Variants in SLC24A1 observed in about 807,000 individuals in gnomAD.
SLC24A1 encodes the protein sodium/potassium/calcium exchanger 1.
SLC24A1 carries 52 observed loss-of-function variants against 88.1 expected under a neutral mutation model. The ratio of observed to expected loss-of-function variants is 0.59; its 90% CI spans 0.47 to 0.74. The LOEUF (loss-of-function observed/expected upper bound fraction) is 0.74, where lower values mean the gene tolerates loss of function less well. SLC24A1 is among the 30% of genes least tolerant of loss of function. SLC24A1 has a pLI of 0.00. For missense variants in SLC24A1, 1,173 were observed against 1,363.3 expected (o/e 0.86, Z 2.20); for synonymous variants, 455 against 498.0 (o/e 0.91, Z 1.15).
Position 65,654,747 on chromosome 15 carries a change from C to A in SLC24A1, c.*668C>A. On this transcript the variant is annotated 3_prime_UTR_variant, in exon 10 of 10. Transcript: ENST00000261892. ...TGAGACAGAGTTTGGCTCTTGTTGC[C>A]CAGGCTGGTGTGCAATGGCGTGATC... 1 of 1,221,090 alleles carries A rather than the reference C, an allele frequency of 8.2e-7. No homozygotes were observed. Among genetic ancestry groups the A allele is most frequent in the Non-Finnish European group, 1.1e-6 (1 of 934,190 alleles). The allele number at this position is 1,221,090 out of a possible 1,614,324, so 75.6% of individuals were successfully genotyped here.
intron 2 of SLC24A1, among the ~76,000 whole-genome samples, chr15:65,636,625 C>T (rs1024108695): frequency 1.3e-5 from 2 of 151,944 alleles, no homozygotes; most frequent in Admixed American, 6.6e-5. Flanking sequence ...CCTGTAATCC[C>T]AGCAGTTTGG....
At chr15:65,651,808 A>C in intron 8 of SLC24A1, 49 bp downstream of exon 8, 1 of 938,424 alleles carries the variant, frequency 1.1e-6, no homozygotes. Flanking sequence ...TCCCAACGAC[A>C]CTTTCCTTCA....
chr15:65,639,315 C>G lies in SLC24A1; in HGVS notation c.1945-280C>G, dbSNP rs114296503. On this transcript the variant is annotated intron_variant, in intron 3 of 9. Coordinates refer to ENST00000261892, the MANE Select transcript of SLC24A1 (RefSeq NM_004727.3). ...TACTTGCAGGGATGTGCAAACCCTT[C>G]ATAACGTGATATTCCTAATACACCA... is the stretch of plus-strand genomic sequence containing the variant. 3.6e-3 allele frequency among the ~76,000 whole-genome samples: 546 copies of G among 152,302 alleles called. 6 individuals are homozygous for G. The highest frequency in any genetic ancestry group is 0.012 in the African/African-American group (516 of 41,556).
intron 4 of SLC24A1, chr15:65,643,083 T>G (rs745349959): frequency 4.1e-6 from 5 of 1,216,736 alleles, no homozygotes; most frequent in Non-Finnish European, 5.4e-6. Context: ...CTAAAAGTTA[T>G]AGAGTGCTTT....
At chr15:65,635,446 CAAAAAAAAAAAAAAAAAA>C (rs56960432) in intron 2 of SLC24A1, among the ~76,000 whole-genome samples, 2 of 58,352 alleles carry the variant, frequency 3.4e-5, no homozygotes, top group African/African-American at 1.4e-4. Context: ...ACTCCGTCTC[CAAAAAAAAAAAAAAAAAA>C]AAAAAAGAAA....
At chr15:65,658,989 G>A (rs1328531565), downstream of SLC24A1, 1 of 152,000 alleles carries the variant, frequency 6.6e-6, no homozygotes, top group Admixed American at 6.6e-5. Flanking sequence ...GGGAAAAGAA[G>A]ACAAAAATCA....
intron 4 of SLC24A1, among the ~76,000 whole-genome samples, chr15:65,641,887 C>T: frequency 6.6e-6 from 1 of 152,230 alleles, no homozygotes; most frequent in East Asian, 1.9e-4. Flanking sequence ...GATGTTCAGG[C>T]CAGGCTGAGG....
chr15:65,640,810 G>A (rs2075100373), intron 4 of SLC24A1, among the ~76,000 whole-genome samples: 1 of 152,138 alleles, frequency 6.6e-6, no homozygotes, highest in African/African-American at 2.4e-5. Context: ...TGTAATCCTA[G>A]CATCTTGGGA....
At position 65,655,032 on chromosome 15, in the gene SLC24A1, G is replaced by C. The variant is rs1187728844; in HGVS notation, c.*953G>C. 5.7e-6 allele frequency: 6 copies of C among 1,043,804 alleles called. No individual in the cohort carries two copies. Among genetic ancestry groups the C allele is most frequent in the Non-Finnish European group, 6.9e-6 (6 of 864,564 alleles). The allele number at this position is 1,043,804 out of a possible 1,614,324, so 64.7% of individuals were successfully genotyped here. A position where few individuals can be genotyped will look rare whatever the true frequency, so the allele number is the denominator to read the frequency against. ...CTTGAATTGGAAGGAATGGAGATTA[G>C]GGAAGGAAAACTACTCTAGAGGCCA... On this transcript the variant is annotated 3_prime_UTR_variant, in exon 10 of 10. Coordinates refer to ENST00000261892, the MANE Select transcript of SLC24A1 (RefSeq NM_004727.3).
rs111274272 is a variant in SLC24A1 at position 65,638,130 on chromosome 15, G to A, written c.1893G>A (p.Pro631=). The A allele has an allele frequency of 2.6e-4, 412 of 1,608,700 alleles. No homozygotes were observed. Among genetic ancestry groups the A allele is most frequent in the Non-Finnish European group, 3.0e-4 (349 of 1,177,182 alleles). ...GTGACTCCTCTCCCTGTTTGCAGCC[G>A]GGCGATGGGGCCATTGCGGTGGATG... The part of the protein sequence containing the change: ...KVMALEDLSK[P]GDGAIAVDEL... The change falls in exon 3 of 10, where the codon CCG becomes CCA. Residue 631 remains proline (P), a splice_region_variant and synonymous_variant. Transcript: ENST00000261892.
rs1364351650 is a variant in SLC24A1 at position 65,631,246 on chromosome 15, G to A, written c.1890+5276G>A. On this transcript the variant is annotated intron_variant, in intron 2 of 9. Coordinates refer to ENST00000261892, the MANE Select transcript of SLC24A1 (RefSeq NM_004727.3). ...CAATATGAAATTAGATATTCATGGTGTTCTACAAAGAACAGCATAATTTCT... is the reference window on the plus strand; with the variant it reads ...CAATATGAAATTAGATATTCATGGTATTCTACAAAGAACAGCATAATTTCT... Among the ~76,000 whole-genome samples, 2 of 152,130 alleles carry A rather than the reference G, an allele frequency of 1.3e-5. 1 individual carries two copies. The highest frequency in any genetic ancestry group is 3.8e-4 in the East Asian group (2 of 5,200).
chr15:65,641,448 A>G (rs1359469922), intron 4 of SLC24A1, among the ~76,000 whole-genome samples: 1 of 152,204 alleles, frequency 6.6e-6, no homozygotes, highest in East Asian at 1.9e-4. Flanking sequence ...TTCCTTAGGA[A>G]TTCCTCAAGG....
intron 2 of SLC24A1, 61 bp from the exon 3 acceptor site, chr15:65,638,067 G>T (rs2074998903): frequency 8.7e-7 from 1 of 1,148,528 alleles, no homozygotes; most frequent in Admixed American, 1.9e-5. Context: ...TGGAGAAAGG[G>T]ATGTAGGGAG....
rs779750981 is a variant in SLC24A1 at position 65,624,917 on chromosome 15, C to A, written c.837C>A (p.Asn279Lys). 1.9e-6 allele frequency: 3 copies of A among 1,613,362 alleles called. No homozygotes were observed. In the South Asian group the frequency reaches 3.3e-5, roughly 18 times the overall value. The change falls in exon 2 of 10, where the codon AAC (asparagine) becomes AAA (lysine). Residue 279 changes from asparagine (N) to lysine (K), a missense_variant. By Grantham distance (94) the Asn-to-Lys change is moderately conservative. Coordinates refer to ENST00000261892, the MANE Select transcript of SLC24A1 (RefSeq NM_004727.3). ...CTCCAAGGAGCGTCATGGAAAAAAA[C>A]AACCTGTTTCCCCCCAGAAGAGTGG... Reference protein sequence around the residue: ...LTSPRSVMEKNNLFPPRRVES... With the variant: ...LTSPRSVMEKKNLFPPRRVES...
chr15:65,660,535 T>C, downstream of SLC24A1: 1 of 401,668 alleles, frequency 2.5e-6, no homozygotes, highest in African/African-American at 2.0e-5. Flanking sequence ...CTATAACTAA[T>C]TCTAGCAGCC....
Position 65,625,879 on chromosome 15 carries a change from T to G in SLC24A1, c.1799T>G (p.Met600Arg), listed in dbSNP as rs375349954. Residue 600 changes from methionine (M) to arginine (R), a missense_variant, in exon 2 of 10, where the codon ATG becomes AGG. Transcript: ENST00000261892. ...GCCTATGCCTTCTATGTGTTCACCA[T>G]GAAGTGGAACAAGCATATCGAGGTC... is the stretch of plus-strand genomic sequence containing the variant. ...LLAYAFYVFT[M>R]KWNKHIEVWV... The G allele has an allele frequency of 6.2e-7, 1 of 1,614,024 alleles. No individual in the cohort carries two copies. Among genetic ancestry groups the G allele is most frequent in the Non-Finnish European group, 8.5e-7 (1 of 1,179,892 alleles).
chr15:65,655,965 T>C lies in SLC24A1; in HGVS notation c.*1886T>C. 1.0e-6 allele frequency: 1 copy of C among 985,238 alleles called. No homozygotes were observed. Among genetic ancestry groups the C allele is most frequent in the Non-Finnish European group, 1.2e-6 (1 of 829,796 alleles). The allele number at this position is 985,238 out of a possible 1,614,324, so 61.0% of individuals were successfully genotyped here. On this transcript the variant is annotated 3_prime_UTR_variant, in exon 10 of 10. Coordinates refer to ENST00000261892, the MANE Select transcript of SLC24A1 (RefSeq NM_004727.3). Reference sequence around the variant, plus strand: ...TATGGAATCATGTTCCAATTCTATATTCTTAATTATCCTTATTCCTGATGC... The same window carrying C: ...TATGGAATCATGTTCCAATTCTATACTCTTAATTATCCTTATTCCTGATGC...
In SLC24A1 at chr15:65,650,092, AG is replaced by A. The variant is rs1384258515; in HGVS notation, c.2233-289del. On this transcript the variant is annotated intron_variant, in intron 6 of 9. Transcript: ENST00000261892. The surrounding 1 kb of genome is among the most constrained non-coding windows in gnomAD (Gnocchi z 4.1). Reference sequence around the variant, plus strand: ...AAAGAGTAAACCTATACATGGGGGTAGAACTTTGATATAAATATGGACTTCA... The same window carrying A: ...AAAGAGTAAACCTATACATGGGGGTAAACTTTGATATAAATATGGACTTCA... Among the ~76,000 whole-genome samples, 1 of 152,226 alleles carries A rather than the reference AG, an allele frequency of 6.6e-6. No individual in the cohort carries two copies. The highest frequency in any genetic ancestry group is 2.4e-5 in the African/African-American group (1 of 41,452).
chr15:65,615,341 G>GA (rs1331650614), intron 2 of SLC24A1, among the ~76,000 whole-genome samples: 2 of 152,194 alleles, frequency 1.3e-5, no homozygotes, highest in Non-Finnish European at 2.9e-5. Flanking sequence ...TGAAAAAGAA[G>GA]ATAAAGCCAA....
Sources: gnomAD v4.1 joint callset for allele counts (sites outside exome capture counted in the v4.1 genomes callset) on GRCh38, gnomAD v4.1.1 for gene constraint, Gnocchi (gnomAD v3.1) non-coding constraint, MANE v1.5 for transcripts, NCBI Gene and HGNC (gene_info 2026-07-23, HGNC 2026-07-21) for gene names.